Variants in PDE6B observed in about 807,000 individuals in gnomAD.
PDE6B encodes the protein rod cGMP-specific 3',5'-cyclic phosphodiesterase subunit beta.
PDE6B carries 106 observed loss-of-function variants against 109.0 expected under a neutral mutation model. That is an observed-to-expected ratio of 0.97 (90% CI 0.83 to 1.14). PDE6B has a LOEUF of 1.14. PDE6B is among the 50% of genes most tolerant of loss of function. The probability of loss-of-function intolerance (pLI) is 0.00; values close to 1 mark genes in which losing one functional copy is unlikely to be tolerated. For missense variants in PDE6B, 1,193 were observed against 1,155.6 expected (o/e 1.03, Z -0.47); for synonymous variants, 490 against 471.3 (o/e 1.04, Z -0.51).
intron 21 of PDE6B, 36 bp downstream of exon 21, chr4:668,042 G>A: frequency 6.3e-7 from 1 of 1,595,796 alleles, no homozygotes; most frequent in South Asian, 1.1e-5. Context: ...CAGGGACTCG[G>A]TGACTCTCCC....
chr4:663,033 G>C lies in PDE6B; in HGVS notation c.1833-67G>C. ...AAAGAAAGTGGGGCCCATCTGGGGGGGCTGCAGAGCGCAGGGTGGGCCAAG... is the reference window on the plus strand; with the variant it reads ...AAAGAAAGTGGGGCCCATCTGGGGGCGCTGCAGAGCGCAGGGTGGGCCAAG... On this transcript the variant is annotated intron_variant, in intron 14 of 21. Coordinates refer to ENST00000496514, the MANE Select transcript of PDE6B (RefSeq NM_000283.4). The surrounding 1 kb of genome is among the most constrained non-coding windows in gnomAD (Gnocchi z 4.0). 1.1e-6 allele frequency: 1 copy of C among 887,706 alleles called. No homozygotes were observed. Among genetic ancestry groups the C allele is most frequent in the Non-Finnish European group, 1.9e-6 (1 of 516,870 alleles). 55.0% of individuals were successfully genotyped at this position (887,706 alleles called of 1,614,324 possible).
At chr4:656,524 C>G (rs1399297992) in intron 8 of PDE6B, among the ~76,000 whole-genome samples, 1 of 150,448 alleles carries the variant, frequency 6.6e-6, no homozygotes, top group Non-Finnish European at 1.5e-5. Flanking sequence ...CCCCACACAC[C>G]CCTGCGAGGC....
chr4:657,728 G>A (rs564652243), intron 10 of PDE6B, among the ~76,000 whole-genome samples: 3 of 143,750 alleles, frequency 2.1e-5, no homozygotes, highest in Non-Finnish European at 3.0e-5. Context: ...ACAGCTGTGC[G>A]GCGGGGGCAG....
In PDE6B at chr4:665,414, G is replaced by A; in HGVS notation, c.2268+85G>A. 1.1e-6 allele frequency: 1 copy of A among 936,354 alleles called. No homozygotes were observed. The highest frequency in any genetic ancestry group is 1.4e-5 in the South Asian group (1 of 73,912). 58.0% of individuals were successfully genotyped at this position (936,354 alleles called of 1,614,324 possible). On this transcript the variant is annotated intron_variant, in intron 19 of 21. Transcript: ENST00000496514. This position sits in a 1 kb window ranked among gnomAD's most constrained non-coding sequence, Gnocchi z 4.0. Reference sequence around the variant, plus strand: ...CCTCAGGAGCCTCAGGTCCTGGCTTGGTCTCAGGCAGGGGGTTCTGAGGTC... The same window carrying A: ...CCTCAGGAGCCTCAGGTCCTGGCTTAGTCTCAGGCAGGGGGTTCTGAGGTC...
Position 665,091 on chromosome 4 carries a change from G to C in PDE6B, c.2193+147G>C. ...GGGGCCAGGCCAGGGCGGCAAGGAT[G>C]GGGGTACTGCAGTGTGTCTACATGG... is the stretch of plus-strand genomic sequence containing the variant. On this transcript the variant is annotated intron_variant, in intron 18 of 21. Coordinates refer to ENST00000496514, the MANE Select transcript of PDE6B (RefSeq NM_000283.4). This position sits in a 1 kb window ranked among gnomAD's most constrained non-coding sequence, Gnocchi z 4.0. The C allele has an allele frequency of 1.2e-6, 1 of 828,276 alleles. No homozygotes were observed. Among genetic ancestry groups the C allele is most frequent in the Non-Finnish European group, 2.1e-6 (1 of 484,052 alleles). 51.3% of individuals were successfully genotyped at this position (828,276 alleles called of 1,614,324 possible).
At position 652,186 on chromosome 4, in the gene PDE6B, G is replaced by T. The variant is rs554636774; in HGVS notation, c.712-1666G>T. On this transcript the variant is annotated intron_variant, in intron 3 of 21. Transcript: ENST00000496514. Reference sequence around the variant, plus strand: ...CTTCAGGGAGAAAAAGGTGTTGGACGAGAGAGGCTGGTGCTCAGGGGCTGC... The same window carrying T: ...CTTCAGGGAGAAAAAGGTGTTGGACTAGAGAGGCTGGTGCTCAGGGGCTGC... The T allele has an allele frequency of 3.6e-4, 55 of 153,564 alleles. 1 individual carries two copies. In the South Asian group the frequency reaches 9.6e-3, roughly 27 times the overall value. 9.5% of individuals were successfully genotyped at this position (153,564 alleles called of 1,614,324 possible).
intron 20 of PDE6B, among the ~76,000 whole-genome samples, chr4:667,357 G>A (rs1186645671): frequency 1.3e-5 from 2 of 152,278 alleles, no homozygotes; most frequent in Admixed American, 1.3e-4. Context: ...GACAAGGGTG[G>A]ATATTTGGGC....
chr4:637,398 T>C (rs1734742018), intron 3 of PDE6B, among the ~76,000 whole-genome samples: 1 of 152,126 alleles, frequency 6.6e-6, no homozygotes, highest in East Asian at 1.9e-4. Context: ...TTTTTGTATT[T>C]CTAGTAGAGA....
chr4:654,178 G>A, intron 5 of PDE6B, 24 bp downstream of exon 5: 1 of 1,600,802 alleles, frequency 6.2e-7, no homozygotes, highest in Non-Finnish European at 8.6e-7. Context: ...GAGGGGCCCA[G>A]GGCCTGTCCA....
chr4:626,033 T>G lies in PDE6B; in HGVS notation c.407T>G (p.Ile136Ser), dbSNP rs747541112. Reference sequence around the variant, plus strand: ...TCCGAGATCGTCTTCCCACTGGACATCGGGGTCGTGGGCCACGTGGCTCAG... The same window carrying G: ...TCCGAGATCGTCTTCCCACTGGACAGCGGGGTCGTGGGCCACGTGGCTCAG... ...PDSEIVFPLD[I>S]GVVGHVAQTK... Residue 136 changes from isoleucine to serine, a missense_variant, in exon 1 of 22, where the codon ATC becomes AGC. Coordinates refer to ENST00000496514, the MANE Select transcript of PDE6B (RefSeq NM_000283.4). The surrounding 1 kb of genome is among the most constrained non-coding windows in gnomAD (Gnocchi z 4.6). The G allele has an allele frequency of 6.3e-7, 1 of 1,595,862 alleles. No homozygotes were observed.
chr4:642,732 A>AAAAAAAAC, intron 3 of PDE6B, among the ~76,000 whole-genome samples: 1 of 150,972 alleles, frequency 6.6e-6, no homozygotes, highest in African/African-American at 2.4e-5. Context: ...TCTCAAAAAA[A>AAAAAAAAC]AAAAAAAAAA....
chr4:656,529 C>A (rs190416637), intron 8 of PDE6B, among the ~76,000 whole-genome samples: 1 of 150,640 alleles, frequency 6.6e-6, no homozygotes, highest in Non-Finnish European at 1.5e-5. Flanking sequence ...CACACCCCTG[C>A]GAGGCCGTGA....
rs1737615227 is a variant in PDE6B at position 664,947 on chromosome 4, T to C, written c.2193+3T>C. 1.2e-6 allele frequency: 2 copies of C among 1,610,116 alleles called. No homozygotes were observed. Among genetic ancestry groups the C allele is most frequent in the Non-Finnish European group, 1.7e-6 (2 of 1,177,382 alleles). ...AGCCCTGGGAAGTCCAGAGCAAGGTTAGAACAGAGGGCCCTCCAGACCCAG... is the reference window on the plus strand; with the variant it reads ...AGCCCTGGGAAGTCCAGAGCAAGGTCAGAACAGAGGGCCCTCCAGACCCAG... On this transcript the variant is annotated splice_donor_region_variant and intron_variant, in intron 18 of 21. Coordinates refer to ENST00000496514, the MANE Select transcript of PDE6B (RefSeq NM_000283.4).
At chr4:650,647 C>T (rs78957262) in intron 3 of PDE6B, among the ~76,000 whole-genome samples, 1,607 of 152,280 alleles carry the variant, frequency 0.011, 41 homozygotes, top group African/African-American at 0.037. Flanking sequence ...GAAACAGCTC[C>T]GACACCCACA....
At chr4:659,413 G>A (rs1274576112) in intron 11 of PDE6B, among the ~76,000 whole-genome samples, 2 of 152,238 alleles carry the variant, frequency 1.3e-5, no homozygotes, top group Non-Finnish European at 2.9e-5. Flanking sequence ...GCAACTCCCA[G>A]TGTGTGTGCA....
chr4:632,925 G>T (rs1296972509), intron 1 of PDE6B, among the ~76,000 whole-genome samples: 1 of 152,166 alleles, frequency 6.6e-6, no homozygotes, highest in African/African-American at 2.4e-5. Context: ...GACCCCAGGT[G>T]AGGGTGTCAG....
intron 3 of PDE6B, among the ~76,000 whole-genome samples, chr4:644,708 T>A (rs976175193): frequency 1.3e-5 from 2 of 151,916 alleles, no homozygotes; most frequent in Admixed American, 6.6e-5. Context: ...TTTTATATTT[T>A]TAGTAGAGAC....
At chr4:667,764 C>G in intron 20 of PDE6B, 92 bp from the exon 21 acceptor site, 2 of 1,380,626 alleles carry the variant, frequency 1.4e-6, no homozygotes, top group Non-Finnish European at 2.1e-6. Flanking sequence ...GGCAGTTCAT[C>G]CCCTACGAGG....
Position 659,126 on chromosome 4 carries a change from AG to A in PDE6B, c.1467+112del, listed in dbSNP as rs200778950. ...ACGGTGCTTTGCACACACGGTCATC[AG>A]GGATGTTGGTGCTGTGTGTGTATAC... On this transcript the variant is annotated intron_variant, in intron 11 of 21. Transcript: ENST00000496514. The A allele has an allele frequency of 5.8e-4, 470 of 808,668 alleles. 8 individuals carry two copies. In the East Asian group the frequency reaches 9.8e-3, roughly 17 times the overall value. 50.1% of individuals were successfully genotyped at this position (808,668 alleles called of 1,614,324 possible). A position where few individuals can be genotyped will look rare whatever the true frequency, so the allele number is the denominator to read the frequency against.
Sources: gnomAD v4.1 joint callset for allele counts (sites outside exome capture counted in the v4.1 genomes callset) on GRCh38, gnomAD v4.1.1 for gene constraint, Gnocchi (gnomAD v3.1) non-coding constraint, MANE v1.5 for transcripts, NCBI Gene and HGNC (gene_info 2026-07-23, HGNC 2026-07-21) for gene names.